Variants in BRF1 observed in about 807,000 individuals in gnomAD.
The protein encoded by BRF1 is BRF1 general transcription factor IIIB subunit.
BRF1 carries 59 observed loss-of-function variants against 81.7 expected under a neutral mutation model. That is an observed-to-expected ratio of 0.72 (90% CI 0.59 to 0.90). The LOEUF (loss-of-function observed/expected upper bound fraction) is 0.90. BRF1 is among the 40% of genes least tolerant of loss of function. The probability of loss-of-function intolerance (pLI) is 0.00; values close to 1 mark genes in which losing one functional copy is unlikely to be tolerated. For missense variants in BRF1, 1,050 were observed against 936.3 expected, an observed-to-expected ratio of 1.12 and a Z score of -1.58; for synonymous variants, 491 against 395.6, an observed-to-expected ratio of 1.24 and a Z score of -2.86.
At chr14:105,266,202 T>C (rs1184600700) in intron 3 of BRF1, among the ~76,000 whole-genome samples, 1 of 152,124 alleles carries the variant, frequency 6.6e-6, no homozygotes, top group East Asian at 1.9e-4. Context: ...TCCCAACACT[T>C]TGGGAGTCCA....
chr14:105,274,736 T>C (rs2056807538), intron 2 of BRF1, among the ~76,000 whole-genome samples: 1 of 152,250 alleles, frequency 6.6e-6, no homozygotes, highest in South Asian at 2.1e-4. Context: ...GCACAGGCTG[T>C]GTGGGGAGCA....
chr14:105,212,686 G>C (rs1890315487), intron 15 of BRF1: 1 of 156,994 alleles, frequency 6.4e-6, no homozygotes, highest in Non-Finnish European at 1.4e-5. Context: ...GGGAGACAGG[G>C]GGGCCCAGGG....
At chr14:105,220,021 G>A in intron 12 of BRF1, 48 bp downstream of exon 12, 2 of 1,602,712 alleles carry the variant, frequency 1.2e-6, no homozygotes, top group Non-Finnish European at 1.7e-6. Context: ...TTGGGCTGCA[G>A]CGCCCTCCCA....
chr14:105,248,603 CGGCCGGGCCT>C lies in BRF1; in HGVS notation c.544+3894_544+3903del, dbSNP rs1048482817. ...CGGGCGGGCGGGACGGCGCCCCCCG[CGGCCGGGCCT>C]GGCCGGGCTGCGCTAGGCTGGGCTC... On this transcript the variant is annotated intron_variant, in intron 5 of 17. Coordinates refer to ENST00000547530, the MANE Select transcript of BRF1 (RefSeq NM_001519.4). 3.0e-5 allele frequency: 29 copies of C among 966,806 alleles called. No homozygotes were observed. The African/African-American group carries it at 3.9e-4, about 13-fold the overall frequency. 59.9% of individuals were successfully genotyped at this position (966,806 alleles called of 1,614,324 possible). A position where few individuals can be genotyped will look rare whatever the true frequency, so the allele number is the denominator to read the frequency against.
chr14:105,223,047 T>C (rs1354428027), intron 10 of BRF1, among the ~76,000 whole-genome samples: 5 of 152,076 alleles, frequency 3.3e-5, no homozygotes, highest in Non-Finnish European at 1.5e-5. Flanking sequence ...GTAAAAATTA[T>C]CTGGGTGTGG....
At position 105,209,644 on chromosome 14, in the gene BRF1, C is replaced by G; in HGVS notation, c.*907G>C. 1 of 688,310 alleles carries G rather than the reference C, an allele frequency of 1.5e-6. No homozygotes were observed. The highest frequency in any genetic ancestry group is 2.7e-6 in the Non-Finnish European group (1 of 376,308). The allele number at this position is 688,310 out of a possible 1,614,324, so 42.6% of individuals were successfully genotyped here. A position where few individuals can be genotyped will look rare whatever the true frequency, so the allele number is the denominator to read the frequency against. On this transcript the variant is annotated 3_prime_UTR_variant, in exon 18 of 18. Coordinates refer to ENST00000547530, the MANE Select transcript of BRF1 (RefSeq NM_001519.4). ...GCTCTCGGGCCTCCGTCTGCCCTCCCTCCTCGATGGGGGGCCTGATCCAGC... is the reference window on the plus strand; with the variant it reads ...GCTCTCGGGCCTCCGTCTGCCCTCCGTCCTCGATGGGGGGCCTGATCCAGC...
At chr14:105,308,747 C>T (rs1196619448) in intron 1 of BRF1, among the ~76,000 whole-genome samples, 1 of 152,006 alleles carries the variant, frequency 6.6e-6, no homozygotes, top group Non-Finnish European at 1.5e-5. Context: ...CCCCAAAGTG[C>T]TGGGATTACA....
chr14:105,216,023 A>C (rs1051658178), intron 15 of BRF1, among the ~76,000 whole-genome samples: 8 of 124,424 alleles, frequency 6.4e-5, no homozygotes, highest in Non-Finnish European at 1.1e-4. Context: ...CTGCAGGCAT[A>C]CAGACACAGG....
chr14:105,229,479 A>T (rs587615602), intron 6 of BRF1, among the ~76,000 whole-genome samples: 1 of 152,156 alleles, frequency 6.6e-6, no homozygotes, highest in Admixed American at 6.5e-5. Context: ...CCGGATGAGG[A>T]GTGAGGGCCC....
intron 10 of BRF1, among the ~76,000 whole-genome samples, chr14:105,222,715 G>A (rs190856753): frequency 1.3e-5 from 2 of 151,544 alleles, no homozygotes; most frequent in South Asian, 4.2e-4. Flanking sequence ...TGCAAGCTCC[G>A]CCTCCCGGGT....
chr14:105,279,600 T>C (rs1023150750), intron 2 of BRF1, among the ~76,000 whole-genome samples: 1 of 152,176 alleles, frequency 6.6e-6, no homozygotes, highest in Non-Finnish European at 1.5e-5. Context: ...CTACACTGCT[T>C]CCTGGTGGGA....
At chr14:105,215,919 G>GGC (rs1891159875) in intron 15 of BRF1, among the ~76,000 whole-genome samples, 1 of 89,250 alleles carries the variant, frequency 1.1e-5, no homozygotes, top group African/African-American at 4.1e-5. Flanking sequence ...TGCATACGCA[G>GGC]ACAGGCACAC....
chr14:105,300,483 G>T lies in BRF1; in HGVS notation c.147C>A (p.Gly49=). ...SEVQFVESSG[G]GSSAVGQFVS... ...CGAACTGGCCCACGGCCGAGGAGCC[G>T]CCGCCGCTGCTCTCCACGAACTGCA... is the stretch of plus-strand genomic sequence containing the variant. Residue 49 remains glycine (G), a synonymous_variant, in exon 1 of 18, where the codon GGC becomes GGA. Coordinates refer to ENST00000547530, the MANE Select transcript of BRF1 (RefSeq NM_001519.4). 1 of 1,534,906 alleles carries T rather than the reference G, an allele frequency of 6.5e-7. No homozygotes were observed.
chr14:105,240,940 T>G (rs2054554966), intron 6 of BRF1, among the ~76,000 whole-genome samples: 1 of 152,170 alleles, frequency 6.6e-6, no homozygotes, highest in African/African-American at 2.4e-5. Context: ...CACACCACTG[T>G]CCGCGTCAGA....
intron 5 of BRF1, chr14:105,248,739 G>C (rs1401723154): frequency 1.0e-6 from 1 of 981,736 alleles, no homozygotes; most frequent in Non-Finnish European, 1.2e-6. Flanking sequence ...CTGCCTGCAC[G>C]GCCGCGTCGC....
In BRF1 at chr14:105,283,307, G is replaced by T. The variant is rs587603001; in HGVS notation, c.265+2989C>A. On this transcript the variant is annotated intron_variant, in intron 2 of 17. Transcript: ENST00000547530. ...AGCGGTGCCTGGCCCGGGGCAGGCGGGTGGGAGAGCTCACTGAGTGGGCAG... is the reference window on the plus strand; with the variant it reads ...AGCGGTGCCTGGCCCGGGGCAGGCGTGTGGGAGAGCTCACTGAGTGGGCAG... Among the ~76,000 whole-genome samples, 5 of 152,320 alleles carry T rather than the reference G, an allele frequency of 3.3e-5. No homozygotes were observed. In the South Asian group the frequency reaches 1.0e-3, roughly 32 times the overall value.
chr14:105,305,113 G>C (rs914690516), upstream of BRF1, among the ~76,000 whole-genome samples: 1 of 152,164 alleles, frequency 6.6e-6, no homozygotes, highest in African/African-American at 2.4e-5. Flanking sequence ...CCTCAGAAAA[G>C]TGGCTGGCTG....
rs756052057 is a variant in BRF1, at chr14:105,221,609, G to A, written c.1315+39C>T. 11 of 1,584,534 alleles carry A rather than the reference G, an allele frequency of 6.9e-6. No individual in the cohort carries two copies. In the African/African-American group the frequency reaches 1.1e-4, roughly 16 times the overall value. ...GAGGCACACGCCTGAAAGATCTCCC[G>A]ATGACCTCAGCGTCCCCCAGGGCCC... is the stretch of plus-strand genomic sequence containing the variant. On this transcript the variant is annotated intron_variant, in intron 11 of 17. Transcript: ENST00000547530.
rs587735359 is a variant in BRF1, at chr14:105,210,997, T to C, written c.1996+125A>G. The C allele has an allele frequency of 6.1e-6, 9 of 1,482,950 alleles. No homozygotes were observed. Among genetic ancestry groups the C allele is most frequent in the Admixed American group, 2.1e-5 (1 of 47,088 alleles). The allele number at this position is 1,482,950 out of a possible 1,614,324, so 91.9% of individuals were successfully genotyped here. On this transcript the variant is annotated intron_variant, in intron 17 of 17. Coordinates refer to ENST00000547530, the MANE Select transcript of BRF1 (RefSeq NM_001519.4). This position sits in a 1 kb window ranked among gnomAD's most constrained non-coding sequence, Gnocchi z 4.7. ...AATTTACAAAATGTCTTAGTTCAAA[T>C]TTCTTTCCAGGGAGAAACAGAAATT... is the stretch of plus-strand genomic sequence containing the variant.
Sources: gnomAD v4.1 joint callset for allele counts (sites outside exome capture counted in the v4.1 genomes callset) on GRCh38, gnomAD v4.1.1 for gene constraint, Gnocchi (gnomAD v3.1) non-coding constraint, MANE v1.5 for transcripts, NCBI Gene and HGNC (gene_info 2026-07-23, HGNC 2026-07-21) for gene names.